Variants in COMMD10 observed in about 807,000 individuals in gnomAD.
COMMD10 encodes COMM domain-containing protein 10.
A neutral mutation model predicts 28.9 loss-of-function variants in COMMD10; 33 were observed. The observed-to-expected ratio is 1.14, with a 90% CI of 0.87 to 1.53. The LOEUF is 1.53. COMMD10 is among the 40% of genes most tolerant of loss of function. COMMD10 has a pLI of 0.00. For synonymous variants in COMMD10, 110 were observed against 81.7 expected (o/e 1.35, Z -1.87); for missense variants, 310 against 233.4 (o/e 1.33, Z -2.14).
rs573192369 is a variant in COMMD10 at position 116,112,426 on chromosome 5, C to T, written c.399+19726C>T. Among the ~76,000 whole-genome samples, 10 of 151,590 alleles carry T rather than the reference C, an allele frequency of 6.6e-5. No individual in the cohort carries two copies. In the East Asian group the frequency reaches 7.8e-4, roughly 12 times the overall value. ...TTTTTCTTTTTTTTTGAGATGGAGT[C>T]GCGTGCTGTCGCCAAGCTGGAGTGC... On this transcript the variant is annotated intron_variant, in intron 4 of 6. Coordinates refer to ENST00000274458, the MANE Select transcript of COMMD10 (RefSeq NM_016144.4).
chr5:116,144,996 T>C (rs1752299165), intron 5 of COMMD10, among the ~76,000 whole-genome samples: 1 of 151,748 alleles, frequency 6.6e-6, no homozygotes, highest in Non-Finnish European at 1.5e-5. Flanking sequence ...AACGGAAAGG[T>C]AGGATTCAAT....
chr5:116,151,753 C>T (rs1386690612), intron 5 of COMMD10, among the ~76,000 whole-genome samples: 1 of 152,074 alleles, frequency 6.6e-6, no homozygotes, highest in Non-Finnish European at 1.5e-5. Flanking sequence ...CTCTTTTCTT[C>T]TTTATTAGTC....
chr5:116,191,784 A>G (rs567689860), intron 5 of COMMD10, among the ~76,000 whole-genome samples: 1 of 151,970 alleles, frequency 6.6e-6, no homozygotes, highest in Non-Finnish European at 1.5e-5. Context: ...TCTCTGCACT[A>G]CTACAGCTGA....
intron 5 of COMMD10, among the ~76,000 whole-genome samples, chr5:116,205,634 G>A (rs1373213827): frequency 6.6e-6 from 1 of 152,020 alleles, no homozygotes; most frequent in African/African-American, 2.4e-5. Flanking sequence ...GTATGTTTTT[G>A]TGTGTATATG....
chr5:116,247,782 G>A lies in COMMD10; in HGVS notation c.511-43735G>A, dbSNP rs1561390908. Reference sequence around the variant, plus strand: ...TGATGAGAACACATGGATACATACAGGGGAACAACACAAACTCTGGGGTCT... The same window carrying A: ...TGATGAGAACACATGGATACATACAAGGGAACAACACAAACTCTGGGGTCT... On this transcript the variant is annotated intron_variant, in intron 5 of 6. Transcript: ENST00000274458. 1.3e-5 allele frequency among the ~76,000 whole-genome samples: 2 copies of A among 151,942 alleles called. 1 individual carries two copies. Among genetic ancestry groups the A allele is most frequent in the Non-Finnish European group, 2.9e-5 (2 of 67,944 alleles).
At chr5:116,170,367 T>G (rs1753281257) in intron 5 of COMMD10, among the ~76,000 whole-genome samples, 1 of 152,178 alleles carries the variant, frequency 6.6e-6, no homozygotes, top group African/African-American at 2.4e-5. Context: ...CATTCTATGC[T>G]CATGCATAGG....
intron 5 of COMMD10, among the ~76,000 whole-genome samples, chr5:116,172,264 C>G (rs936307213): frequency 1.3e-5 from 2 of 151,960 alleles, no homozygotes; most frequent in Non-Finnish European, 2.9e-5. Context: ...TAAAGAAAAG[C>G]TTTGGATTAT....
At chr5:116,217,640 G>C (rs2112640463) in intron 5 of COMMD10, among the ~76,000 whole-genome samples, 1 of 152,274 alleles carries the variant, frequency 6.6e-6, no homozygotes, top group South Asian at 2.1e-4. Flanking sequence ...ACAGATGTCT[G>C]GGCTTAAGGG....
intron 5 of COMMD10, among the ~76,000 whole-genome samples, chr5:116,160,866 A>C (rs186707765): frequency 6.6e-6 from 1 of 152,246 alleles, no homozygotes; most frequent in Admixed American, 6.5e-5. Context: ...GATTCAGTAC[A>C]ATTGTTCTCC....
intron 5 of COMMD10, among the ~76,000 whole-genome samples, chr5:116,169,647 A>G (rs1396003213): frequency 1.3e-5 from 2 of 152,196 alleles, no homozygotes; most frequent in South Asian, 2.1e-4. Flanking sequence ...ACCATGATCA[A>G]GTCAGCTTCA....
intron 4 of COMMD10, among the ~76,000 whole-genome samples, chr5:116,116,131 T>C (rs1298549825): frequency 6.6e-6 from 1 of 152,106 alleles, no homozygotes; most frequent in Non-Finnish European, 1.5e-5. Context: ...CATGAAAAAA[T>C]GGATAGACAA....
rs532163144 is a variant in COMMD10 at position 116,261,152 on chromosome 5, A to T, written c.511-30365A>T. 2.6e-5 allele frequency among the ~76,000 whole-genome samples: 4 copies of T among 151,924 alleles called. No homozygotes were observed. The South Asian group carries it at 8.3e-4, about 31-fold the overall frequency. ...GAGTAAAAACATATTTCAGGAAGAA[A>T]ACTATAACTAATTAAATTTCTCAGT... On this transcript the variant is annotated intron_variant, in intron 5 of 6. Transcript: ENST00000274458.
chr5:116,196,395 G>A (rs1172569178), intron 5 of COMMD10, among the ~76,000 whole-genome samples: 1 of 152,024 alleles, frequency 6.6e-6, no homozygotes, highest in African/African-American at 2.4e-5. Context: ...ATGGTGCAGT[G>A]TATACTGCTT....
At chr5:116,245,396 T>C (rs1749915116) in intron 5 of COMMD10, among the ~76,000 whole-genome samples, 1 of 152,084 alleles carries the variant, frequency 6.6e-6, no homozygotes, top group Non-Finnish European at 1.5e-5. Flanking sequence ...CGTATTCACA[T>C]CTGAATTCTC....
At chr5:116,198,895 G>C (rs569215526) in intron 5 of COMMD10, among the ~76,000 whole-genome samples, 1 of 152,230 alleles carries the variant, frequency 6.6e-6, no homozygotes, top group South Asian at 2.1e-4. Flanking sequence ...GTTTTGCTAA[G>C]TATAAATAAA....
intron 4 of COMMD10, among the ~76,000 whole-genome samples, chr5:116,132,939 C>T (rs1428914775): frequency 1.3e-5 from 2 of 152,106 alleles, no homozygotes; most frequent in Non-Finnish European, 2.9e-5. Flanking sequence ...CCAGAAGGAA[C>T]AGAACTGTAT....
rs113591878 is a variant in COMMD10, at chr5:116,219,303, C to A, written c.511-72214C>A. ...ATACAGTTTTCTCCCTTTCCCTTCC[C>A]CTTCCCCTTCCCATTTTAGTAGTAG... On this transcript the variant is annotated intron_variant, in intron 5 of 6. Transcript: ENST00000274458. Among the ~76,000 whole-genome samples the A allele has an allele frequency of 2.1e-3, 315 of 152,240 alleles. 3 individuals carry two copies. Among genetic ancestry groups the A allele is most frequent in the African/African-American group, 7.2e-3 (297 of 41,528 alleles).
chr5:116,087,484 T>G lies in COMMD10; in HGVS notation c.42-13T>G. ...AAACTCATTTCAAAACTCTGTTTTA[T>G]AATTTTGTTTAGCATGAAGAAAGCA... is the stretch of plus-strand genomic sequence containing the variant. On this transcript the variant is annotated splice_polypyrimidine_tract_variant and intron_variant, in intron 1 of 6. Transcript: ENST00000274458. The G allele has an allele frequency of 6.5e-7, 1 of 1,547,648 alleles. No homozygotes were observed. The highest frequency in any genetic ancestry group is 8.9e-7 in the Non-Finnish European group (1 of 1,119,452).
intron 5 of COMMD10, among the ~76,000 whole-genome samples, chr5:116,217,280 G>T (rs1305973705): frequency 6.6e-6 from 1 of 151,888 alleles, no homozygotes; most frequent in Non-Finnish European, 1.5e-5. Flanking sequence ...CAGAACATGG[G>T]CAGACAGTCA....
Sources: allele counts gnomAD v4.1 joint callset (sites outside exome capture counted in the v4.1 genomes callset), GRCh38; gene constraint gnomAD v4.1.1; transcripts MANE v1.5; gene names NCBI Gene and HGNC (gene_info 2026-07-23, HGNC 2026-07-21).